TNIP2: variants seen among roughly 807,000 people sequenced by gnomAD.
The protein encoded by TNIP2 is TNFAIP3 interacting protein 2, also known as TNFAIP3-interacting protein 2.
A neutral mutation model predicts 43.7 loss-of-function variants in TNIP2; 30 were observed. The ratio of observed to expected loss-of-function variants is 0.69; its 90% CI spans 0.51 to 0.93. TNIP2 has a LOEUF of 0.93. TNIP2 is among the 40% of genes least tolerant of loss of function. TNIP2 has a pLI of 0.00. For missense variants in TNIP2, 599 were observed against 591.0 expected, an observed-to-expected ratio of 1.01 and a Z score of -0.14; for synonymous variants, 260 against 254.6, an observed-to-expected ratio of 1.02 and a Z score of -0.20.
chr4:2,754,247 C>G (rs1722169960), intron 1 of TNIP2, among the ~76,000 whole-genome samples: 1 of 152,214 alleles, frequency 6.6e-6, no homozygotes, highest in South Asian at 2.1e-4. Context: ...AGCCATGAAT[C>G]AAATGGAATA....
rs763520745 is a variant in TNIP2, at chr4:2,747,638, C to T, written c.567+17G>A. On this transcript the variant is annotated intron_variant, in intron 2 of 5. Transcript: ENST00000315423. Reference sequence around the variant, plus strand: ...ACACAGAGGTCTTCCCCACACTCTGCTTACACTGTGGCCTACCTGGTCAGG... The same window carrying T: ...ACACAGAGGTCTTCCCCACACTCTGTTTACACTGTGGCCTACCTGGTCAGG... 17 of 1,589,688 alleles carry T rather than the reference C, an allele frequency of 1.1e-5. No individual in the cohort carries two copies. The East Asian group carries it at 3.8e-4, about 36-fold the overall frequency.
intron 1 of TNIP2, among the ~76,000 whole-genome samples, chr4:2,752,600 G>A (rs1442975684): frequency 2.0e-5 from 3 of 152,238 alleles, no homozygotes; most frequent in South Asian, 2.1e-4. Context: ...ACCTAGCAAC[G>A]GCTTGCTTCC....
chr4:2,753,869 C>T (rs1722161049), intron 1 of TNIP2, among the ~76,000 whole-genome samples: 1 of 152,156 alleles, frequency 6.6e-6, no homozygotes, highest in Non-Finnish European at 1.5e-5. Context: ...GTAGGGGAGA[C>T]ACTGGCTGCT....
chr4:2,750,409 T>G (rs919269766), intron 1 of TNIP2, among the ~76,000 whole-genome samples: 35 of 148,442 alleles, frequency 2.4e-4, no homozygotes, highest in Admixed American at 2.1e-3. Context: ...TTATTATTAT[T>G]ATTATTATTA....
intron 3 of TNIP2, chr4:2,745,226 CCTT>C: frequency 1.6e-6 from 1 of 608,314 alleles, no homozygotes; most frequent in Non-Finnish European, 2.9e-6. Flanking sequence ...TCTTGCATCT[CCTT>C]TACTGACTTG....
In TNIP2 at chr4:2,744,643, C is replaced by T; in HGVS notation, c.906+54G>A. 1 of 1,584,756 alleles carries T rather than the reference C, an allele frequency of 6.3e-7. No homozygotes were observed. The highest frequency in any genetic ancestry group is 1.7e-5 in the Admixed American group (1 of 59,168). ...CCAGCCTGTCCCATGATTTCGGCCA[C>T]CACCGGCCAGCAGACATCTGGTCAG... On this transcript the variant is annotated intron_variant, in intron 4 of 5. Transcript: ENST00000315423. This position sits in a 1 kb window ranked among gnomAD's most constrained non-coding sequence, Gnocchi z 5.1.
intron 1 of TNIP2, among the ~76,000 whole-genome samples, chr4:2,751,494 G>T (rs913084876): frequency 6.6e-6 from 1 of 152,248 alleles, no homozygotes; most frequent in African/African-American, 2.4e-5. Context: ...AACAACAGAA[G>T]TGTATTCTCC....
intron 1 of TNIP2, among the ~76,000 whole-genome samples, chr4:2,755,366 C>T (rs1248299124): frequency 6.6e-6 from 1 of 151,650 alleles, no homozygotes; most frequent in Non-Finnish European, 1.5e-5. Flanking sequence ...TAAGAGCCCA[C>T]CTGAACATAC....
At chr4:2,753,021 C>T (rs1285163460) in intron 1 of TNIP2, among the ~76,000 whole-genome samples, 1 of 152,100 alleles carries the variant, frequency 6.6e-6, no homozygotes, top group Admixed American at 6.6e-5. Context: ...GCTATGATGG[C>T]CCCAAGGCAT....
intron 1 of TNIP2, among the ~76,000 whole-genome samples, chr4:2,750,935 C>T (rs1349142328): frequency 6.6e-6 from 1 of 152,194 alleles, no homozygotes; most frequent in Admixed American, 6.5e-5. Context: ...CACCCTAGTA[C>T]TCAACACTGA....
chr4:2,748,731 T>G (rs1273398658), intron 1 of TNIP2, among the ~76,000 whole-genome samples: 1 of 134,136 alleles, frequency 7.5e-6, no homozygotes, highest in Non-Finnish European at 1.6e-5. Context: ...TGACCTTAGA[T>G]GATCCGCCAG....
intron 2 of TNIP2, among the ~76,000 whole-genome samples, chr4:2,746,492 G>A (rs530012653): frequency 6.6e-5 from 10 of 152,282 alleles, no homozygotes; most frequent in African/African-American, 2.2e-4. Flanking sequence ...CCTCCGCCCA[G>A]ACGGCACTTT....
chr4:2,756,321 C>G lies in TNIP2; in HGVS notation c.-32G>C. The stretch of plus-strand genomic sequence containing the variant: ...AGGCCCGCCCGGGAGGCCGCGCGGC[C>G]GCCGGCAACTTCCGCGCCCGGGCCC... On this transcript the variant is annotated 5_prime_UTR_variant, in exon 1 of 6. Transcript: ENST00000315423. 1 of 1,193,364 alleles carries G rather than the reference C, an allele frequency of 8.4e-7. No homozygotes were observed. Among genetic ancestry groups the G allele is most frequent in the East Asian group, 3.6e-5 (1 of 28,112 alleles). 73.9% of individuals were successfully genotyped at this position (1,193,364 alleles called of 1,614,324 possible).
intron 1 of TNIP2, among the ~76,000 whole-genome samples, chr4:2,750,862 A>C (rs1722084037): frequency 6.6e-6 from 1 of 152,088 alleles, no homozygotes; most frequent in Non-Finnish European, 1.5e-5. Context: ...ACAGCTCCAC[A>C]AACAGGAGGG....
intron 2 of TNIP2, among the ~76,000 whole-genome samples, chr4:2,746,408 A>G (rs1420835392): frequency 6.6e-6 from 1 of 152,160 alleles, no homozygotes; most frequent in Non-Finnish European, 1.5e-5. Flanking sequence ...CTCAGGCTCA[A>G]CACTGTGTGT....
Position 2,741,783 on chromosome 4 carries a change from A to C in TNIP2, c.*474T>G. On this transcript the variant is annotated 3_prime_UTR_variant, in exon 6 of 6. Coordinates refer to ENST00000315423, the MANE Select transcript of TNIP2 (RefSeq NM_024309.4). The stretch of plus-strand genomic sequence containing the variant: ...TCTCAGTGCAGACATGTGGCTCGCA[A>C]TGGCGGGGGTGGCCACCCTAGTGTG... 6.4e-6 allele frequency: 1 copy of C among 155,394 alleles called. No homozygotes were observed. 9.6% of individuals were successfully genotyped at this position (155,394 alleles called of 1,614,324 possible).
At position 2,747,965 on chromosome 4, in the gene TNIP2, G is replaced by A. The variant is rs200723749; in HGVS notation, c.277-20C>T. 10 of 1,605,282 alleles carry A rather than the reference G, an allele frequency of 6.2e-6. No individual in the cohort carries two copies. The highest frequency in any genetic ancestry group is 8.5e-6 in the Non-Finnish European group (10 of 1,177,542). On this transcript the variant is annotated intron_variant, in intron 1 of 5. Coordinates refer to ENST00000315423, the MANE Select transcript of TNIP2 (RefSeq NM_024309.4). ...AATTTCCTAAGTGGAAGATTTAAAA[G>A]CACAGTTTACTGAATTAAAAGAAGC... is the stretch of plus-strand genomic sequence containing the variant.
chr4:2,745,433 G>GA lies in TNIP2; in HGVS notation c.657+12dup. On this transcript the variant is annotated intron_variant, in intron 3 of 5. Coordinates refer to ENST00000315423, the MANE Select transcript of TNIP2 (RefSeq NM_024309.4). ...CATGTGTTCTTCTCAAACGAAATGTGAAAGACACTCACGTGAGTCACCTTC... is the reference window on the plus strand; with the variant it reads ...CATGTGTTCTTCTCAAACGAAATGTGAAAAGACACTCACGTGAGTCACCTTC... 6.3e-7 allele frequency: 1 copy of GA among 1,595,154 alleles called. No homozygotes were observed. The highest frequency in any genetic ancestry group is 8.6e-7 in the Non-Finnish European group (1 of 1,163,946).
At chr4:2,746,864 T>C (rs1034285139) in intron 2 of TNIP2, among the ~76,000 whole-genome samples, 1 of 152,216 alleles carries the variant, frequency 6.6e-6, no homozygotes, top group Non-Finnish European at 1.5e-5. Context: ...GGCACACAGA[T>C]GCCTTGGGCC....
Sources: gnomAD v4.1 joint callset for allele counts (sites outside exome capture counted in the v4.1 genomes callset) on GRCh38, gnomAD v4.1.1 for gene constraint, Gnocchi (gnomAD v3.1) non-coding constraint, MANE v1.5 for transcripts, NCBI Gene and HGNC (gene_info 2026-07-23, HGNC 2026-07-21) for gene names.